The following CAPZB variants were observed in gnomAD, a reference collection of about 807,000 sequenced individuals.
CAPZB encodes F-actin-capping protein subunit beta.
A neutral mutation model predicts 38.1 loss-of-function variants in CAPZB; 2 were observed. That is an observed-to-expected ratio of 0.05 (90% confidence interval 0.02 to 0.17). The LOEUF (loss-of-function observed/expected upper bound fraction) is 0.17, where lower values mean the gene tolerates loss of function less well. Ranked by LOEUF, CAPZB falls within the 10% of genes least tolerant of loss-of-function variation. CAPZB has a pLI of 1.00. For missense variants in CAPZB, 161 were observed against 334.2 expected (o/e 0.48, Z 4.04); for synonymous variants, 107 against 127.4 (o/e 0.84, Z 1.08).
chr1:19,342,981 G>T, intron 8 of CAPZB: 3 of 714,472 alleles, frequency 4.2e-6, no homozygotes, highest in Non-Finnish European at 2.5e-6. Flanking sequence ...CGGAAGGGGG[G>T]ATGCCGTGGC....
chr1:19,354,436 C>G (rs1433069965), intron 6 of CAPZB, among the ~76,000 whole-genome samples: 1 of 152,364 alleles, frequency 6.6e-6, no homozygotes, highest in East Asian at 1.9e-4. Flanking sequence ...ATCCCTCCCC[C>G]TTCTGTAGTT....
intron 2 of CAPZB, among the ~76,000 whole-genome samples, chr1:19,399,229 T>C (rs2094290017): frequency 6.6e-6 from 1 of 152,166 alleles, no homozygotes; most frequent in African/African-American, 2.4e-5. Context: ...TTATGTTATG[T>C]GAATTATATC....
chr1:19,428,747 G>A lies in CAPZB; in HGVS notation c.4-8997C>T, dbSNP rs372341789. Among the ~76,000 whole-genome samples the A allele has an allele frequency of 3.3e-5, 5 of 152,202 alleles. No homozygotes were observed. The South Asian group carries it at 8.3e-4, about 25-fold the overall frequency. ...GTGTTTTGAGGCCTGGCTCTGCCCC[G>A]AGCCCTTCTCCCCCGTGAGTCTTTC... On this transcript the variant is annotated intron_variant, in intron 1 of 8. Coordinates refer to ENST00000264202, the MANE Select transcript of CAPZB (RefSeq NM_004930.5).
intron 8 of CAPZB, among the ~76,000 whole-genome samples, chr1:19,343,531 G>C (rs761020367): frequency 1.3e-5 from 2 of 152,214 alleles, no homozygotes; most frequent in African/African-American, 4.8e-5. Context: ...GTGCCTCCTC[G>C]ACTGGACAAG....
chr1:19,367,307 T>C (rs113881621), intron 4 of CAPZB, among the ~76,000 whole-genome samples: 38 of 152,374 alleles, frequency 2.5e-4, no homozygotes, highest in African/African-American at 8.2e-4. Context: ...GCACTTGCCA[T>C]GGCACCTGGC....
intron 2 of CAPZB, among the ~76,000 whole-genome samples, chr1:19,393,689 G>A (rs934998068): frequency 2.0e-5 from 3 of 152,238 alleles, no homozygotes; most frequent in Non-Finnish European, 2.9e-5. Flanking sequence ...GGACTGTGAG[G>A]ACCAAAGCTT....
chr1:19,349,694 A>G (rs1053107456), intron 6 of CAPZB, among the ~76,000 whole-genome samples: 24 of 152,218 alleles, frequency 1.6e-4, no homozygotes, highest in African/African-American at 5.5e-4. Flanking sequence ...TGTCCCCAGG[A>G]GCAGACTGAT....
chr1:19,416,860 C>CAAAAAAAAA lies in CAPZB; in HGVS notation c.93+2792_93+2800dup, dbSNP rs59789230. On this transcript the variant is annotated intron_variant, in intron 2 of 8. Transcript: ENST00000264202. Reference sequence around the variant, plus strand: ...TGGGTGACAGAGCAAGACCCTGTCTCAAAAAAAAAAAAAAAAAAAAAAAAA... The same window carrying CAAAAAAAAA: ...TGGGTGACAGAGCAAGACCCTGTCTCAAAAAAAAAAAAAAAAAAAAAAAAAAAAAAAAAA... Among the ~76,000 whole-genome samples the CAAAAAAAAA allele has an allele frequency of 1.5e-3, 107 of 69,422 alleles. 10 individuals carry two copies. Among genetic ancestry groups the CAAAAAAAAA allele is most frequent in the African/African-American group, 3.2e-3 (54 of 16,788 alleles). The allele number at this position is 69,422 out of a possible 152,430, so 45.5% of individuals were successfully genotyped here.
intron 2 of CAPZB, among the ~76,000 whole-genome samples, chr1:19,416,368 C>T (rs757389733): frequency 3.3e-5 from 5 of 152,156 alleles, no homozygotes; most frequent in Non-Finnish European, 5.9e-5. Context: ...GACCTCCCGG[C>T]GCTCCCAAGC....
intron 1 of CAPZB, chr1:19,449,189 C>A (rs1426196720): frequency 8.1e-7 from 1 of 1,231,936 alleles, no homozygotes; most frequent in African/African-American, 1.5e-5. Context: ...TGTCTCTGAG[C>A]AGGCCTGAAA....
intron 1 of CAPZB, among the ~76,000 whole-genome samples, chr1:19,463,914 T>G (rs2094560430): frequency 6.6e-6 from 1 of 152,008 alleles, no homozygotes; most frequent in Non-Finnish European, 1.5e-5. Context: ...GCACGGTGGC[T>G]TATGCCTGTA....
chr1:19,406,266 A>C (rs1339292332), intron 2 of CAPZB, among the ~76,000 whole-genome samples: 1 of 152,198 alleles, frequency 6.6e-6, no homozygotes, highest in Admixed American at 6.5e-5. Flanking sequence ...AAGCAATGCA[A>C]AGCCTCTGGG....
chr1:19,456,567 C>G (rs1306553366), intron 1 of CAPZB, among the ~76,000 whole-genome samples: 1 of 151,968 alleles, frequency 6.6e-6, no homozygotes, highest in East Asian at 1.9e-4. Flanking sequence ...CAGAACTATC[C>G]CCCTACCCAT....
rs979544204 is a variant in CAPZB at position 19,441,692 on chromosome 1, A to C, written c.4-21942T>G. On this transcript the variant is annotated intron_variant, in intron 1 of 8. Coordinates refer to ENST00000264202, the MANE Select transcript of CAPZB (RefSeq NM_004930.5). ...AGGCAGACAGAGAAAAAAAAAAAAAACAGCAGCACCAAGCGGCTCAAAAGC... is the reference window on the plus strand; with the variant it reads ...AGGCAGACAGAGAAAAAAAAAAAAACCAGCAGCACCAAGCGGCTCAAAAGC... Among the ~76,000 whole-genome samples, 235 of 150,490 alleles carry C rather than the reference A, an allele frequency of 1.6e-3. 1 individual carries two copies. The highest frequency in any genetic ancestry group is 3.5e-3 in the Middle Eastern group (1 of 284).
chr1:19,376,066 C>T (rs570675217), intron 4 of CAPZB, among the ~76,000 whole-genome samples: 9 of 152,268 alleles, frequency 5.9e-5, no homozygotes, highest in African/African-American at 1.4e-4. Flanking sequence ...CCCTAAATGG[C>T]GAAGTAAGGC....
chr1:19,469,638 C>T (rs917267206), intron 1 of CAPZB, among the ~76,000 whole-genome samples: 2 of 151,688 alleles, frequency 1.3e-5, no homozygotes, highest in African/African-American at 4.8e-5. Flanking sequence ...TTTGTCAGAG[C>T]AAAGTGACCG....
rs985253428 is a variant in CAPZB at position 19,356,493 on chromosome 1, C to G, written c.588+142G>C. On this transcript the variant is annotated intron_variant, in intron 6 of 8. Coordinates refer to ENST00000264202, the MANE Select transcript of CAPZB (RefSeq NM_004930.5). This position sits in a 1 kb window ranked among gnomAD's most constrained non-coding sequence, Gnocchi z 4.3. ...CCCAGAGAGCTTTTATTTGAAAATG[C>G]AAAGCCCTACTTAGATGGTGGATTT... The G allele has an allele frequency of 1.6e-5, 11 of 708,092 alleles. No individual in the cohort carries two copies. The Admixed American group carries it at 2.0e-4, about 13-fold the overall frequency. 43.9% of individuals were successfully genotyped at this position (708,092 alleles called of 1,614,324 possible). A position where few individuals can be genotyped will look rare whatever the true frequency, so the allele number is the denominator to read the frequency against.
intron 1 of CAPZB, among the ~76,000 whole-genome samples, chr1:19,432,497 T>C (rs2094445553): frequency 6.6e-6 from 1 of 152,240 alleles, no homozygotes. Context: ...TTTATTTTTA[T>C]TTTTAAGTGA....
chr1:19,362,468 C>A (rs2094058676), intron 4 of CAPZB, among the ~76,000 whole-genome samples: 1 of 152,076 alleles, frequency 6.6e-6, no homozygotes, highest in Non-Finnish European at 1.5e-5. Flanking sequence ...AACTCCTGGC[C>A]TCGGTCTCCA....
Sources: allele counts gnomAD v4.1 joint callset (sites outside exome capture counted in the v4.1 genomes callset), GRCh38; gene constraint gnomAD v4.1.1; non-coding constraint Gnocchi (gnomAD v3.1); transcripts MANE v1.5; gene names NCBI Gene and HGNC (gene_info 2026-07-23, HGNC 2026-07-21).